MED16: variants seen among roughly 807,000 people sequenced by gnomAD.
MED16 encodes the protein mediator complex subunit 16.
MED16 carries 81 observed loss-of-function variants against 84.4 expected under a neutral mutation model. That is an observed-to-expected ratio of 0.96 (90% CI 0.80 to 1.15). The LOEUF is 1.15. MED16 is among the 50% of genes most tolerant of loss of function. The probability of loss-of-function intolerance (pLI) is 0.00; values close to 1 mark genes in which losing one functional copy is unlikely to be tolerated. For missense variants in MED16, 1,585 were observed against 1,245.9 expected (o/e 1.27, Z -4.10); for synonymous variants, 897 against 552.2 (o/e 1.62, Z -8.76).
At chr19:881,826 T>A in intron 6 of MED16, 112 bp from the exon 7 acceptor site, 1 of 1,294,870 alleles carries the variant, frequency 7.7e-7, no homozygotes, top group South Asian at 1.3e-5. Flanking sequence ...CCTTCCCAGG[T>A]CTCATGCCGC....
Position 868,919 on chromosome 19 carries a change from G to T in MED16, c.2343C>A (p.His781Gln). The T allele has an allele frequency of 6.4e-7, 1 of 1,550,512 alleles. No homozygotes were observed. The highest frequency in any genetic ancestry group is 8.7e-7 in the Non-Finnish European group (1 of 1,153,090). The change falls in exon 14 of 16, where the codon CAC becomes CAA. Residue 781 changes from histidine (H) to glutamine (Q), a missense_variant. Physicochemically the swap from His to Gln is conservative, Grantham distance 24 (BLOSUM62 0). Coordinates refer to ENST00000325464, the MANE Select transcript of MED16 (RefSeq NM_005481.3). ...AAGCGCCAAGGTGCAGCCTCCGCAG[G>T]TGGTCGATCTTGGGCTGGCCTGGGG... Reference protein sequence around the residue: ...ARAPGQPKIDHLRRLHLGACP... With the variant: ...ARAPGQPKIDQLRRLHLGACP...
At position 883,708 on chromosome 19, in the gene MED16, T is replaced by C. The variant is rs368658374; in HGVS notation, c.985+1195A>G. On this transcript the variant is annotated intron_variant, in intron 6 of 15. Coordinates refer to ENST00000325464, the MANE Select transcript of MED16 (RefSeq NM_005481.3). ...CAGTGGCTTGGCTGTGGGCAGATGG[T>C]AGACACAGACGTGCCCAGCGGGGGC... 3.3e-4 allele frequency among the ~76,000 whole-genome samples: 50 copies of C among 152,070 alleles called. No homozygotes were observed. The South Asian group carries it at 6.9e-3, about 21-fold the overall frequency.
chr19:892,888 C>A (rs2365704), intron 1 of MED16, 198 bp downstream of exon 1: 492 of 11,440 alleles, frequency 0.043, 30 homozygotes, highest in African/African-American at 0.074. Context: ...CCGAGCCCCG[C>A]GCCCCGCGCC....
At chr19:868,625 C>G in intron 14 of MED16, 126 bp from the exon 15 acceptor site, 1 of 1,303,236 alleles carries the variant, frequency 7.7e-7, no homozygotes, top group South Asian at 1.3e-5. Flanking sequence ...CCCACGTCCC[C>G]ACCTGCCACA....
At chr19:890,813 G>A in intron 2 of MED16, 150 bp downstream of exon 2, 1 of 834,400 alleles carries the variant, frequency 1.2e-6, no homozygotes, top group Non-Finnish European at 1.8e-6. Flanking sequence ...CCAGGAGGCT[G>A]AGGCTCTCAC....
At chr19:880,225 A>G (rs1222867594) in intron 7 of MED16, 77 bp from the exon 8 acceptor site, 12 of 1,378,532 alleles carry the variant, frequency 8.7e-6, no homozygotes, top group Non-Finnish European at 1.1e-5. Context: ...CCTGCTCTGC[A>G]GGGTGTGGAG....
At chr19:869,086 A>G in intron 13 of MED16, 140 bp from the exon 14 acceptor site, 1 of 738,392 alleles carries the variant, frequency 1.4e-6, no homozygotes. Context: ...GTCTGTGAAC[A>G]GTGAGGTGGG....
chr19:876,995 G>C lies in MED16; in HGVS notation c.1539C>G (p.Arg513=). 1 of 1,603,522 alleles carries C rather than the reference G, an allele frequency of 6.2e-7. No individual in the cohort carries two copies. Among genetic ancestry groups the C allele is most frequent in the Non-Finnish European group, 8.5e-7 (1 of 1,177,046 alleles). ...CCACCTGCTGCAGGGCAGCGGTCTGGCGCGTGTACTCCTCGTGCAGCTTCT... is the reference window on the plus strand; with the variant it reads ...CCACCTGCTGCAGGGCAGCGGTCTGCCGCGTGTACTCCTCGTGCAGCTTCT... ...LVEKLHEEYT[R]QTAALQQVLS... is the part of the protein sequence containing the mutation. The change falls in exon 9 of 16, where the codon CGC becomes CGG. Residue 513 remains arginine (R), a synonymous_variant. Coordinates refer to ENST00000325464, the MANE Select transcript of MED16 (RefSeq NM_005481.3).
rs1049156250 is a variant in MED16, at chr19:883,723, C to G, written c.985+1180G>C. 2.0e-5 allele frequency among the ~76,000 whole-genome samples: 3 copies of G among 152,212 alleles called. No homozygotes were observed. The South Asian group carries it at 6.2e-4, about 32-fold the overall frequency. On this transcript the variant is annotated intron_variant, in intron 6 of 15. Transcript: ENST00000325464. ...GGGCAGATGGTAGACACAGACGTGCCCAGCGGGGGCACCGGGCAGTGAAGG... is the reference window on the plus strand; with the variant it reads ...GGGCAGATGGTAGACACAGACGTGCGCAGCGGGGGCACCGGGCAGTGAAGG...
chr19:872,637 G>T (rs1272651365), intron 11 of MED16, among the ~76,000 whole-genome samples: 1 of 149,150 alleles, frequency 6.7e-6, no homozygotes, highest in Admixed American at 6.7e-5. Context: ...GCTGGGGCAG[G>T]ACAGAGTGTA....
chr19:869,867 C>G (rs1052175103), intron 13 of MED16, among the ~76,000 whole-genome samples: 2 of 152,202 alleles, frequency 1.3e-5, no homozygotes, highest in East Asian at 1.9e-4. Context: ...GGCCTGGGTT[C>G]AAATCCTGAC....
At chr19:871,691 G>C (rs145561063) in intron 12 of MED16, 3 of 1,475,362 alleles carry the variant, frequency 2.0e-6, no homozygotes, top group Non-Finnish European at 2.8e-6. Flanking sequence ...TCAAGGCAGA[G>C]CCACTGCCAC....
chr19:876,941 T>TGCCACGGGGCCCCACCC (rs2036255653), intron 9 of MED16, 33 bp downstream of exon 9: 1 of 1,580,742 alleles, frequency 6.3e-7, no homozygotes, highest in Non-Finnish European at 8.6e-7. Flanking sequence ...GGCCCCCACC[T>TGCCACGGGGCCCCACCC]GCCACGGGGC....
intron 13 of MED16, among the ~76,000 whole-genome samples, chr19:870,639 G>A (rs2036025308): frequency 6.6e-6 from 1 of 151,682 alleles, no homozygotes; most frequent in Admixed American, 6.6e-5. Context: ...TCGTGACACA[G>A]CAGAAGACAC....
intron 7 of MED16, among the ~76,000 whole-genome samples, chr19:881,116 G>C (rs896311039): frequency 1.3e-5 from 2 of 152,106 alleles, no homozygotes; most frequent in South Asian, 4.1e-4. Context: ...AAGGGCCTGA[G>C]CTAGGGCCGA....
rs1002802261 is a variant in MED16 at position 885,951 on chromosome 19, C to T, written c.698G>A (p.Gly233Asp). The T allele has an allele frequency of 6.2e-7, 1 of 1,612,496 alleles. No individual in the cohort carries two copies. Among genetic ancestry groups the T allele is most frequent in the Non-Finnish European group, 8.5e-7 (1 of 1,179,822 alleles). ...GAACTGCACGGGCGACGCGCTGCTG[C>T]CGTCCGCCGTGGCCACCACGATGTT... ...GGNIVVATAD[G>D]SSASPVQFYK... Residue 233 changes from glycine to aspartate, a missense_variant, in exon 5 of 16, where the codon GGC (glycine) becomes GAC (aspartate). Physicochemically the swap from Gly to Asp is moderately conservative, Grantham distance 94. Coordinates refer to ENST00000325464, the MANE Select transcript of MED16 (RefSeq NM_005481.3).
chr19:871,635 C>G, intron 12 of MED16: 4 of 1,592,600 alleles, frequency 2.5e-6, no homozygotes, highest in African/African-American at 2.7e-5. Flanking sequence ...CAAAAGCACC[C>G]ACACAGAGCA....
intron 12 of MED16, among the ~76,000 whole-genome samples, 183 bp from the exon 13 acceptor site, chr19:871,436 G>C (rs1353565049): frequency 6.6e-6 from 1 of 152,050 alleles, no homozygotes; most frequent in Non-Finnish European, 1.5e-5. Flanking sequence ...TGCCTGGCTG[G>C]GTGACCCCAG....
At chr19:877,285 CGCGCACGCCCGTGTGT>C (rs2036271981) in intron 8 of MED16, 105 bp from the exon 9 acceptor site, 1 of 1,050,990 alleles carries the variant, frequency 9.5e-7, no homozygotes, top group Non-Finnish European at 1.4e-6. Flanking sequence ...GATCTGTGTG[CGCGCACGCCCGTGTGT>C]GGGCCTGTGT....
Sources: gnomAD v4.1 joint callset for allele counts (sites outside exome capture counted in the v4.1 genomes callset) on GRCh38, gnomAD v4.1.1 for gene constraint, MANE v1.5 for transcripts, NCBI Gene and HGNC (gene_info 2026-07-23, HGNC 2026-07-21) for gene names.